The following OCIAD1 variants were observed in gnomAD, a reference collection of about 807,000 sequenced individuals.
OCIAD1 encodes the protein OCIA domain-containing protein 1.
OCIAD1 carries 29 observed loss-of-function variants against 38.9 expected under a neutral mutation model. That is an observed-to-expected ratio of 0.74 (90% confidence interval 0.55 to 1.02). The LOEUF is 1.02. OCIAD1 is among the 50% of genes least tolerant of loss of function. The pLI, the probability that OCIAD1 is intolerant of heterozygous loss-of-function variation, is 0.00. For synonymous variants in OCIAD1, 110 were observed against 92.0 expected (o/e 1.20, Z -1.12); for missense variants, 288 against 289.6 (o/e 0.99, Z 0.04).
chr4:48,820,462 A>G (rs571936050), intron 1 of OCIAD1, among the ~76,000 whole-genome samples: 1 of 152,338 alleles, frequency 6.6e-6, no homozygotes, highest in East Asian at 1.9e-4. Context: ...AAGGTCTAAA[A>G]TCAACACACT....
At chr4:48,830,958 C>G (rs1777424916), upstream of OCIAD1, 1 of 156,740 alleles carries the variant, frequency 6.4e-6, no homozygotes, top group Non-Finnish European at 1.4e-5. Context: ...GTGGCCGCAG[C>G]TGCCTGAAAG....
chr4:48,852,882 G>GTTTTTGT (rs1779631805), intron 7 of OCIAD1, among the ~76,000 whole-genome samples: 4 of 126,308 alleles, frequency 3.2e-5, no homozygotes, highest in South Asian at 2.6e-4. Context: ...TTTGTTTTTT[G>GTTTTTGT]TTTTTTTTTT....
intron 6 of OCIAD1, 151 bp from the exon 7 acceptor site, chr4:48,851,655 G>A (rs1779478815): frequency 2.3e-6 from 1 of 425,882 alleles, no homozygotes; most frequent in Non-Finnish European, 4.0e-6. Flanking sequence ...TAGCCTGGGT[G>A]ACAGAGCAAG....
intron 1 of OCIAD1, among the ~76,000 whole-genome samples, chr4:48,808,679 G>C (rs1319492334): frequency 1.3e-5 from 2 of 152,136 alleles, no homozygotes; most frequent in Non-Finnish European, 2.9e-5. Context: ...AATTGAACCT[G>C]CTGGTGCATT....
At chr4:48,851,370 A>C (rs1779441065) in intron 6 of OCIAD1, among the ~76,000 whole-genome samples, 1 of 152,190 alleles carries the variant, frequency 6.6e-6, no homozygotes, top group African/African-American at 2.4e-5. Flanking sequence ...ACCTCATTTT[A>C]CTGATTATAA....
At chr4:48,813,483 G>A (rs866774708) in intron 1 of OCIAD1, among the ~76,000 whole-genome samples, 11 of 152,144 alleles carry the variant, frequency 7.2e-5, no homozygotes, top group Admixed American at 5.9e-4. Context: ...GTGATATCCC[G>A]TCTCTACAAA....
chr4:48,851,342 G>T (rs1006880854), intron 6 of OCIAD1, among the ~76,000 whole-genome samples: 3 of 152,174 alleles, frequency 2.0e-5, no homozygotes, highest in African/African-American at 7.2e-5. Flanking sequence ...AAAGTGTTTT[G>T]TTGGCAGAAA....
rs568975361 is a variant in OCIAD1, at chr4:48,857,908, C to T, written c.700+543C>T. On this transcript the variant is annotated intron_variant, in intron 8 of 8. Transcript: ENST00000264312. ...GTGTCTCATGCCTGAAATCCCAGCACTTTGGGAGACCAAGCTGGGTGTATC... is the reference window on the plus strand; with the variant it reads ...GTGTCTCATGCCTGAAATCCCAGCATTTTGGGAGACCAAGCTGGGTGTATC... 1.3e-3 allele frequency among the ~76,000 whole-genome samples: 201 copies of T among 152,224 alleles called. 1 individual carries two copies. The highest frequency in any genetic ancestry group is 4.3e-3 in the African/African-American group (178 of 41,530).
chr4:48,849,285 A>C (rs1779224591), intron 5 of OCIAD1, among the ~76,000 whole-genome samples: 1 of 152,162 alleles, frequency 6.6e-6, no homozygotes, highest in Non-Finnish European at 1.5e-5. Flanking sequence ...CCTAGAACTT[A>C]AAGTATAATA....
chr4:48,842,142 G>A (rs528566560), intron 3 of OCIAD1, among the ~76,000 whole-genome samples: 1 of 152,240 alleles, frequency 6.6e-6, no homozygotes, highest in Admixed American at 6.5e-5. Context: ...TCTTTAAAAG[G>A]GTGGTAATAA....
At chr4:48,843,114 C>T (rs1190095470) in intron 4 of OCIAD1, among the ~76,000 whole-genome samples, 1 of 152,004 alleles carries the variant, frequency 6.6e-6, no homozygotes, top group East Asian at 1.9e-4. Flanking sequence ...TCACCTGGGG[C>T]GGATGAGTGG....
upstream of OCIAD1, among the ~76,000 whole-genome samples, chr4:48,827,172 T>G (rs1777259148): frequency 6.6e-6 from 1 of 152,230 alleles, no homozygotes; most frequent in South Asian, 2.1e-4. Context: ...GCTGAATAAT[T>G]ATCAATTATG....
At chr4:48,837,807 G>T (rs1778146309) in intron 3 of OCIAD1, among the ~76,000 whole-genome samples, 1 of 152,114 alleles carries the variant, frequency 6.6e-6, no homozygotes, top group Non-Finnish European at 1.5e-5. Flanking sequence ...AGATGCTAAG[G>T]TGTCCAGATT....
chr4:48,837,036 A>G (rs1467439911), intron 3 of OCIAD1: 1 of 152,112 alleles, frequency 6.6e-6, no homozygotes, highest in African/African-American at 2.4e-5. Flanking sequence ...CGGTGGTGCA[A>G]TCTTGGCTCA....
intron 1 of OCIAD1, among the ~76,000 whole-genome samples, chr4:48,812,670 T>C (rs7665209): frequency 0.56 from 85,534 of 151,906 alleles, 24,876 homozygotes; most frequent in African/African-American, 0.72. Context: ...GGACATTTGC[T>C]TAGGGTAAAA....
chr4:48,827,854 G>A (rs1014733921), upstream of OCIAD1, among the ~76,000 whole-genome samples: 3 of 152,246 alleles, frequency 2.0e-5, no homozygotes. Flanking sequence ...CCAGAGTTGG[G>A]TGGGGACTTG....
At chr4:48,844,577 C>T (rs567697189) in intron 4 of OCIAD1, among the ~76,000 whole-genome samples, 3 of 152,062 alleles carry the variant, frequency 2.0e-5, no homozygotes, top group African/African-American at 7.2e-5. Flanking sequence ...GATGGCGCCA[C>T]TGCACTCTAG....
At chr4:48,826,260 A>T (rs551023207), upstream of OCIAD1, among the ~76,000 whole-genome samples, 3 of 151,972 alleles carry the variant, frequency 2.0e-5, no homozygotes, top group Non-Finnish European at 4.4e-5. Context: ...CCATTAACTC[A>T]TAATTTAGCA....
chr4:48,846,816 A>G (rs1281317713), intron 4 of OCIAD1, among the ~76,000 whole-genome samples: 1 of 151,612 alleles, frequency 6.6e-6, no homozygotes, highest in Non-Finnish European at 1.5e-5. Context: ...AGAGCTTTTT[A>G]TAGGGAGTGC....
Sources: allele counts gnomAD v4.1 joint callset (sites outside exome capture counted in the v4.1 genomes callset), GRCh38; gene constraint gnomAD v4.1.1; transcripts MANE v1.5; gene names NCBI Gene and HGNC (gene_info 2026-07-23, HGNC 2026-07-21).